PIGU: variants seen among roughly 807,000 people sequenced by gnomAD.
The protein encoded by PIGU is GPI-anchor transamidase component PIGU.
In PIGU, 24 loss-of-function variants were observed where a neutral mutation model predicts 49.9. The observed-to-expected ratio is 0.48, with a 90% CI of 0.35 to 0.68. The LOEUF (loss-of-function observed/expected upper bound fraction) is 0.68, where lower values mean the gene tolerates loss of function less well. PIGU is among the 30% of genes least tolerant of loss of function. The probability of loss-of-function intolerance (pLI) is 0.01; values close to 1 mark genes in which losing one functional copy is unlikely to be tolerated. For missense variants in PIGU, 490 were observed against 532.6 expected, an observed-to-expected ratio of 0.92 and a Z score of 0.79; for synonymous variants, 220 against 205.7, an observed-to-expected ratio of 1.07 and a Z score of -0.59.
In PIGU at chr20:34,676,050, GT is replaced by G. The variant is rs1312166539; in HGVS notation, c.130+905del. 5.2e-4 allele frequency among the ~76,000 whole-genome samples: 72 copies of G among 138,012 alleles called. 1 individual carries two copies. Among genetic ancestry groups the G allele is most frequent in the Admixed American group, 2.8e-3 (38 of 13,712 alleles). The allele number at this position is 138,012 out of a possible 152,430, so 90.5% of individuals were successfully genotyped here. On this transcript the variant is annotated intron_variant, in intron 1 of 11. Coordinates refer to ENST00000217446, the MANE Select transcript of PIGU (RefSeq NM_080476.5). ...AAAAAAAAAAAAAAAAAAGTTGTTT[GT>G]TTTTTTTTAATCATCAAACTCTGGC...
intron 1 of PIGU, among the ~76,000 whole-genome samples, chr20:34,664,834 C>CA (rs1048150059): frequency 6.6e-6 from 1 of 151,766 alleles, no homozygotes; most frequent in Non-Finnish European, 1.5e-5. Context: ...ACCAAAAATA[C>CA]AAAAAATTAG....
intron 2 of PIGU, among the ~76,000 whole-genome samples, chr20:34,650,711 T>C (rs1986515153): frequency 2.2e-5 from 2 of 92,178 alleles, no homozygotes; most frequent in African/African-American, 4.4e-5. Context: ...TTTTTTTTTT[T>C]TTTTTTTTTT....
chr20:34,562,875 C>G (rs1018759231), intron 11 of PIGU, among the ~76,000 whole-genome samples: 1 of 152,198 alleles, frequency 6.6e-6, no homozygotes, highest in Non-Finnish European at 1.5e-5. Context: ...CACCCAGGCC[C>G]GAGATGCCAT....
intron 7 of PIGU, among the ~76,000 whole-genome samples, chr20:34,605,695 C>T (rs1984586230): frequency 6.6e-6 from 1 of 152,150 alleles, no homozygotes; most frequent in African/African-American, 2.4e-5. Flanking sequence ...ACATCAGAGC[C>T]TGTACTCTAT....
Position 34,616,103 on chromosome 20 carries a change from G to A in PIGU, c.566C>T (p.Ala189Val), listed in dbSNP as rs376729351. ...GAGTGGGTACAGAGACTGGTATGTC[G>A]CTAAGGCAAGAAAAATAGCACTGAG... ...AFLSAIFLAL[A>V]TYQSLYPLTL... Residue 189 changes from alanine (A) to valine (V), a missense_variant, in exon 7 of 12, where the codon GCG (alanine) becomes GTG (valine). By Grantham distance (64) the Ala-to-Val change is moderately conservative. Transcript: ENST00000217446. 78 of 1,612,814 alleles carry A rather than the reference G, an allele frequency of 4.8e-5. No homozygotes were observed. The highest frequency in any genetic ancestry group is 1.5e-4 in the South Asian group (14 of 90,810).
intron 1 of PIGU, among the ~76,000 whole-genome samples, chr20:34,659,023 T>C (rs1986820704): frequency 8.1e-6 from 1 of 123,772 alleles, no homozygotes; most frequent in Non-Finnish European, 1.7e-5. Context: ...CACCCCCTAC[T>C]GGGAAGTGAG....
intron 11 of PIGU, among the ~76,000 whole-genome samples, chr20:34,562,194 A>G (rs1004995904): frequency 6.6e-6 from 1 of 152,190 alleles, no homozygotes; most frequent in Non-Finnish European, 1.5e-5. Context: ...TCCCAAGACC[A>G]CTGGTCCCTG....
intron 6 of PIGU, among the ~76,000 whole-genome samples, chr20:34,624,250 C>T (rs566068011): frequency 8.5e-5 from 13 of 152,170 alleles, no homozygotes; most frequent in African/African-American, 2.6e-4. Flanking sequence ...AGTTATTACA[C>T]GCCTCCATAC....
At chr20:34,651,470 T>C (rs751612939) in intron 2 of PIGU, among the ~76,000 whole-genome samples, 2 of 152,248 alleles carry the variant, frequency 1.3e-5, no homozygotes, top group African/African-American at 2.4e-5. Flanking sequence ...TCTGGGATCT[T>C]AATCCCTGGA....
chr20:34,624,383 G>C (rs1408833050), intron 6 of PIGU, among the ~76,000 whole-genome samples: 1 of 152,190 alleles, frequency 6.6e-6, no homozygotes, highest in African/African-American at 2.4e-5. Flanking sequence ...GGAGACAGTG[G>C]AGCTGGGATT....
intron 2 of PIGU, among the ~76,000 whole-genome samples, chr20:34,652,017 T>C (rs1477317364): frequency 6.6e-6 from 1 of 152,170 alleles, no homozygotes; most frequent in Non-Finnish European, 1.5e-5. Context: ...TTTCGTTTTT[T>C]GAGTCATGAT....
intron 2 of PIGU, among the ~76,000 whole-genome samples, chr20:34,652,565 G>C (rs2146779278): frequency 6.6e-6 from 1 of 152,230 alleles, no homozygotes; most frequent in South Asian, 2.1e-4. Flanking sequence ...TTATTGACTT[G>C]AGGTCTTCTT....
At chr20:34,648,209 A>G (rs1027271305) in intron 2 of PIGU, among the ~76,000 whole-genome samples, 2 of 146,360 alleles carry the variant, frequency 1.4e-5, no homozygotes, top group East Asian at 4.0e-4. Context: ...CCTTGTTTGT[A>G]CCACCGCACT....
chr20:34,592,913 T>A (rs1984049952), intron 7 of PIGU, among the ~76,000 whole-genome samples: 1 of 152,104 alleles, frequency 6.6e-6, no homozygotes, highest in South Asian at 2.1e-4. Flanking sequence ...ATCAACATAT[T>A]TACATAGATA....
At chr20:34,654,705 TAACTATAAAAATTAAGGCCAGCCAGGA>T (rs1229580883) in intron 2 of PIGU, among the ~76,000 whole-genome samples, 1 of 119,146 alleles carries the variant, frequency 8.4e-6, no homozygotes, top group African/African-American at 3.1e-5. Context: ...ATGAGAGAGA[TAACTATAAAAATTAAGGCCAGCCAGGA>T]ACGGTGACTC....
intron 7 of PIGU, among the ~76,000 whole-genome samples, chr20:34,600,444 GAAGAA>G (rs1050768632): frequency 2.0e-5 from 3 of 151,708 alleles, no homozygotes; most frequent in African/African-American, 7.3e-5. Context: ...AGAGAAAAGA[GAAGAA>G]AAGAATTCAA....
At chr20:34,591,540 A>G (rs1983987193) in intron 7 of PIGU, among the ~76,000 whole-genome samples, 1 of 152,228 alleles carries the variant, frequency 6.6e-6, no homozygotes, top group African/African-American at 2.4e-5. Flanking sequence ...CATTGACTTC[A>G]AGGAATCTTT....
At position 34,585,532 on chromosome 20, in the gene PIGU, G is replaced by A. The variant is rs1288066425; in HGVS notation, c.831C>T (p.Phe277=). Reference sequence around the variant, plus strand: ...TGAAGTGCTCAAACATCTCTGCAAAGAAGTACCAGAAAAGACCAATGTTTG... The same window carrying A: ...TGAAGTGCTCAAACATCTCTGCAAAAAAGTACCAGAAAAGACCAATGTTTG... The part of the protein sequence containing the change: ...LTPNIGLFWY[F]FAEMFEHFSL... The change falls in exon 9 of 12, where the codon TTC becomes TTT. Residue 277 remains phenylalanine, a synonymous_variant. Coordinates refer to ENST00000217446, the MANE Select transcript of PIGU (RefSeq NM_080476.5). The A allele has an allele frequency of 2.5e-6, 4 of 1,613,312 alleles. No homozygotes were observed. The African/African-American group carries it at 4.0e-5, about 16-fold the overall frequency.
Position 34,637,982 on chromosome 20 carries a change from T to C in PIGU, c.322A>G (p.Lys108Glu). The C allele has an allele frequency of 6.4e-7, 1 of 1,556,170 alleles. No individual in the cohort carries two copies. Among genetic ancestry groups the C allele is most frequent in the South Asian group, 1.2e-5 (1 of 81,900 alleles). ...AIQDFNKVVF[K>E]KQKLLLELDQ... is the part of the protein sequence containing the mutation. ...AGTTCTAGGAGGAGTTTCTGCTTTT[T>C]AAACTAGAAAAAAAAAAAAAAGGAA... Residue 108 changes from lysine to glutamate, a missense_variant, in exon 5 of 12, where the codon AAA (lysine) becomes GAA (glutamate). Physicochemically the swap from Lys to Glu is moderately conservative, Grantham distance 56. Coordinates refer to ENST00000217446, the MANE Select transcript of PIGU (RefSeq NM_080476.5).
Sources: allele counts gnomAD v4.1 joint callset (sites outside exome capture counted in the v4.1 genomes callset), GRCh38; gene constraint gnomAD v4.1.1; transcripts MANE v1.5; gene names NCBI Gene and HGNC (gene_info 2026-07-23, HGNC 2026-07-21).